Variants in OSBPL3 observed in about 807,000 individuals in gnomAD.
The protein encoded by OSBPL3 is oxysterol-binding protein-related protein 3.
A neutral mutation model predicts 120.1 loss-of-function variants in OSBPL3; 65 were observed. That is an observed-to-expected ratio of 0.54 (90% CI 0.44 to 0.67). OSBPL3 has a LOEUF of 0.67. OSBPL3 is among the 30% of genes least tolerant of loss of function. The probability of loss-of-function intolerance (pLI) is 0.00; values close to 1 mark genes in which losing one functional copy is unlikely to be tolerated. For synonymous variants in OSBPL3, 416 were observed against 402.6 expected, an observed-to-expected ratio of 1.03 and a Z score of -0.40; for missense variants, 1,004 against 1,082.1, an observed-to-expected ratio of 0.93 and a Z score of 1.01.
At position 24,872,174 on chromosome 7, in the gene OSBPL3, G is replaced by T; in HGVS notation, c.97-105C>A. 1 of 821,974 alleles carries T rather than the reference G, an allele frequency of 1.2e-6. No individual in the cohort carries two copies. Among genetic ancestry groups the T allele is most frequent in the Non-Finnish European group, 2.1e-6 (1 of 483,342 alleles). 50.9% of individuals were successfully genotyped at this position (821,974 alleles called of 1,614,324 possible). On this transcript the variant is annotated intron_variant, in intron 2 of 22. Coordinates refer to ENST00000313367, the MANE Select transcript of OSBPL3 (RefSeq NM_015550.4). This position sits in a 1 kb window ranked among gnomAD's most constrained non-coding sequence, Gnocchi z 4.1. The stretch of plus-strand genomic sequence containing the variant: ...TAAATTTATTCAAGATGGGGAGGCT[G>T]GCTGGGTTTGTTGGGGAGAAGAAAT...
rs1370682659 is a variant in OSBPL3, at chr7:24,958,984, G to A, written c.-150+20902C>T. 7.2e-5 allele frequency among the ~76,000 whole-genome samples: 11 copies of A among 152,260 alleles called. No homozygotes were observed. In the East Asian group the frequency reaches 2.1e-3, roughly 29 times the overall value. On this transcript the variant is annotated intron_variant, in intron 1 of 22. Coordinates refer to ENST00000313367, the MANE Select transcript of OSBPL3 (RefSeq NM_015550.4). ...TTGAATGACTAAAGGACCTAACTAAGATCAAAGTATTAAGGGGATTACAGA... is the reference window on the plus strand; with the variant it reads ...TTGAATGACTAAAGGACCTAACTAAAATCAAAGTATTAAGGGGATTACAGA...
chr7:24,942,214 AT>A (rs1353933987), intron 1 of OSBPL3, among the ~76,000 whole-genome samples: 2 of 152,152 alleles, frequency 1.3e-5, no homozygotes, highest in African/African-American at 4.8e-5. Context: ...TTTGAAAAGA[AT>A]GAATTTCATA....
rs182303567 is a variant in OSBPL3, at chr7:24,858,434, G to C, written c.1027+3179C>G. Among the ~76,000 whole-genome samples the C allele has an allele frequency of 1.6e-3, 238 of 152,320 alleles. 1 individual carries two copies. The highest frequency in any genetic ancestry group is 3.9e-3 in the South Asian group (19 of 4,826). On this transcript the variant is annotated intron_variant, in intron 10 of 22. Coordinates refer to ENST00000313367, the MANE Select transcript of OSBPL3 (RefSeq NM_015550.4). ...AAGGCATGCAAGGTCACAGGACTTA[G>C]TACAAACCTGAGAGCTGTCTTTATT...
intron 1 of OSBPL3, 76 bp from the exon 2 acceptor site, chr7:24,892,697 G>T: frequency 9.1e-7 from 1 of 1,103,742 alleles, no homozygotes; most frequent in Non-Finnish European, 1.2e-6. Flanking sequence ...GTCTGCAAGT[G>T]GCTTAAACAT....
At chr7:24,943,569 C>G (rs1388408320) in intron 1 of OSBPL3, among the ~76,000 whole-genome samples, 1 of 152,058 alleles carries the variant, frequency 6.6e-6, no homozygotes, top group African/African-American at 2.4e-5. Flanking sequence ...AGAAGAGTTC[C>G]GTTAAACTAG....
rs1562988739 is a variant in OSBPL3 at position 24,936,777 on chromosome 7, C to T, written c.-150+43109G>A. 2.0e-5 allele frequency among the ~76,000 whole-genome samples: 3 copies of T among 152,078 alleles called. No homozygotes were observed. The highest frequency in any genetic ancestry group is 6.5e-5 in the Admixed American group (1 of 15,270). The stretch of plus-strand genomic sequence containing the variant: ...TCGTGAATAACATGATAAAAGTTTG[C>T]CTGCATTATCCTATATGCAGTAGGA... On this transcript the variant is annotated intron_variant, in intron 1 of 22. Transcript: ENST00000313367. The surrounding 1 kb of genome is among the most constrained non-coding windows in gnomAD (Gnocchi z 4.2).
rs952591800 is a variant in OSBPL3 at position 24,918,431 on chromosome 7, G to A, written c.-149-25810C>T. Among the ~76,000 whole-genome samples the A allele has an allele frequency of 2.6e-5, 4 of 152,202 alleles. No homozygotes were observed. Among genetic ancestry groups the A allele is most frequent in the African/African-American group, 9.6e-5 (4 of 41,456 alleles). ...AGAGAAAACATCTAGATAGAAGTATGTATTTGGAAGAAAGAAGTGCCACTC... is the reference window on the plus strand; with the variant it reads ...AGAGAAAACATCTAGATAGAAGTATATATTTGGAAGAAAGAAGTGCCACTC... On this transcript the variant is annotated intron_variant, in intron 1 of 22. Transcript: ENST00000313367. The surrounding 1 kb of genome is among the most constrained non-coding windows in gnomAD (Gnocchi z 4.3).
chr7:24,944,735 A>G (rs1813519041), intron 1 of OSBPL3, among the ~76,000 whole-genome samples: 1 of 152,074 alleles, frequency 6.6e-6, no homozygotes, highest in South Asian at 2.1e-4. Context: ...TGTATGTGCT[A>G]TTTTATCCAA....
rs760247095 is a variant in OSBPL3, at chr7:24,852,487, G to A, written c.1158+17C>T. The A allele has an allele frequency of 2.6e-6, 4 of 1,541,290 alleles. No individual in the cohort carries two copies. The highest frequency in any genetic ancestry group is 1.4e-5 in the African/African-American group (1 of 72,046). ...GGACACATCTCAGGCATTCCTGGAGGCAGACATGTAACTTACGGATGACAG... is the reference window on the plus strand; with the variant it reads ...GGACACATCTCAGGCATTCCTGGAGACAGACATGTAACTTACGGATGACAG... On this transcript the variant is annotated intron_variant, in intron 11 of 22. Transcript: ENST00000313367. The surrounding 1 kb of genome is among the most constrained non-coding windows in gnomAD (Gnocchi z 4.1).
chr7:24,830,217 G>T lies in OSBPL3; in HGVS notation c.1884+551C>A, dbSNP rs553779823. The stretch of plus-strand genomic sequence containing the variant: ...TGTGCATCCATCAGATGAGGGCAGG[G>T]ACTCCTGTCCGGACCCCTCACCCCC... On this transcript the variant is annotated intron_variant, in intron 16 of 22. Coordinates refer to ENST00000313367, the MANE Select transcript of OSBPL3 (RefSeq NM_015550.4). This position sits in a 1 kb window ranked among gnomAD's most constrained non-coding sequence, Gnocchi z 4.4. Among the ~76,000 whole-genome samples, 1 of 152,136 alleles carries T rather than the reference G, an allele frequency of 6.6e-6. No homozygotes were observed. The highest frequency in any genetic ancestry group is 1.5e-5 in the Non-Finnish European group (1 of 68,028).
At chr7:24,816,319 C>T (rs952991281) in intron 18 of OSBPL3, among the ~76,000 whole-genome samples, 13 of 152,158 alleles carry the variant, frequency 8.5e-5, no homozygotes, top group African/African-American at 2.7e-4. Context: ...TGAGCCACTG[C>T]GCCCAGCTAA....
In OSBPL3 at chr7:24,933,151, G is replaced by C. The variant is rs890409969; in HGVS notation, c.-149-40530C>G. ...CTGCAGAACTGGGACCCAGCTGAGA[G>C]GGGGGTTCGCTGCTCAAGGTTAAAA... On this transcript the variant is annotated intron_variant, in intron 1 of 22. Transcript: ENST00000313367. The surrounding 1 kb of genome is among the most constrained non-coding windows in gnomAD (Gnocchi z 5.1). 6.6e-6 allele frequency among the ~76,000 whole-genome samples: 1 copy of C among 152,228 alleles called. No individual in the cohort carries two copies. Among genetic ancestry groups the C allele is most frequent in the African/African-American group, 2.4e-5 (1 of 41,462 alleles).
chr7:24,835,075 A>T lies in OSBPL3; in HGVS notation c.1496-339T>A, dbSNP rs939412503. Among the ~76,000 whole-genome samples, 1 of 152,202 alleles carries T rather than the reference A, an allele frequency of 6.6e-6. No homozygotes were observed. The highest frequency in any genetic ancestry group is 2.4e-5 in the African/African-American group (1 of 41,450). The stretch of plus-strand genomic sequence containing the variant: ...GTTTATAAAAACTTGTAAACTTTTT[A>T]AAAAATCACTTTAAATTCTGGTAAA... On this transcript the variant is annotated intron_variant, in intron 14 of 22. Coordinates refer to ENST00000313367, the MANE Select transcript of OSBPL3 (RefSeq NM_015550.4). The surrounding 1 kb of genome is among the most constrained non-coding windows in gnomAD (Gnocchi z 4.8).
rs557868173 is a variant in OSBPL3 at position 24,867,788 on chromosome 7, C to G, written c.382-1551G>C. Among the ~76,000 whole-genome samples, 1 of 152,098 alleles carries G rather than the reference C, an allele frequency of 6.6e-6. No individual in the cohort carries two copies. The highest frequency in any genetic ancestry group is 1.5e-5 in the Non-Finnish European group (1 of 68,026). ...GAAAGTTATTTAAAAAAACATTTCTCCCACTCTCAGAAATAAAGCACTATA... is the reference window on the plus strand; with the variant it reads ...GAAAGTTATTTAAAAAAACATTTCTGCCACTCTCAGAAATAAAGCACTATA... On this transcript the variant is annotated intron_variant, in intron 5 of 22. Transcript: ENST00000313367. This position sits in a 1 kb window ranked among gnomAD's most constrained non-coding sequence, Gnocchi z 4.5.
intron 1 of OSBPL3, among the ~76,000 whole-genome samples, chr7:24,945,166 A>G (rs189628928): frequency 1.3e-5 from 2 of 152,328 alleles, no homozygotes; most frequent in Admixed American, 1.3e-4. Context: ...TTTCAAATCT[A>G]GTACCATTTC....
rs979365029 is a variant in OSBPL3 at position 24,881,750 on chromosome 7, C to T, written c.97-9681G>A. Among the ~76,000 whole-genome samples, 3 of 152,192 alleles carry T rather than the reference C, an allele frequency of 2.0e-5. No individual in the cohort carries two copies. Among genetic ancestry groups the T allele is most frequent in the Non-Finnish European group, 4.4e-5 (3 of 68,036 alleles). ...AACAGATATTTATTCTCTAGCCGTT[C>T]TGGAGGCCAGAGGTCCAAAATCAAA... On this transcript the variant is annotated intron_variant, in intron 2 of 22. Transcript: ENST00000313367. The surrounding 1 kb of genome is among the most constrained non-coding windows in gnomAD (Gnocchi z 4.3).
At chr7:24,870,611 A>G (rs1386372686) in intron 5 of OSBPL3, 121 bp downstream of exon 5, 1 of 669,810 alleles carries the variant, frequency 1.5e-6, no homozygotes, top group African/African-American at 1.8e-5. Flanking sequence ...CATGAGAAAC[A>G]CTTTGGTAAT....
chr7:24,840,404 G>A (rs369209265), intron 14 of OSBPL3, among the ~76,000 whole-genome samples: 8 of 152,048 alleles, frequency 5.3e-5, no homozygotes, highest in Non-Finnish European at 1.0e-4. Flanking sequence ...TCCCCTTAAC[G>A]AATTGTAAAT....
At chr7:24,929,807 C>T (rs1244734961) in intron 1 of OSBPL3, among the ~76,000 whole-genome samples, 2 of 152,160 alleles carry the variant, frequency 1.3e-5, no homozygotes, top group Non-Finnish European at 2.9e-5. Context: ...CATAAGTAAT[C>T]ATCCTTGGTC....
Sources: gnomAD v4.1 joint callset for allele counts (sites outside exome capture counted in the v4.1 genomes callset) on GRCh38, gnomAD v4.1.1 for gene constraint, Gnocchi (gnomAD v3.1) non-coding constraint, MANE v1.5 for transcripts, NCBI Gene and HGNC (gene_info 2026-07-23, HGNC 2026-07-21) for gene names.